Variants in PTK2B observed in about 807,000 individuals in gnomAD.
PTK2B encodes protein tyrosine kinase 2 beta.
In PTK2B, 71 loss-of-function variants were observed where a neutral mutation model predicts 142.9. The observed-to-expected ratio is 0.50, with a 90% confidence interval of 0.41 to 0.61. The LOEUF (loss-of-function observed/expected upper bound fraction) is 0.61, where lower values mean the gene tolerates loss of function less well. Ranked by LOEUF, PTK2B falls within the 20% of genes least tolerant of loss-of-function variation. The probability of loss-of-function intolerance (pLI) is 0.00; values close to 1 mark genes in which losing one functional copy is unlikely to be tolerated. For synonymous variants in PTK2B, 519 were observed against 503.4 expected (o/e 1.03, Z -0.42); for missense variants, 1,105 against 1,320.4 (o/e 0.84, Z 2.53).
At chr8:27,400,404 C>T (rs1563253466) in intron 2 of PTK2B, among the ~76,000 whole-genome samples, 2 of 149,270 alleles carry the variant, frequency 1.3e-5, no homozygotes. Flanking sequence ...ATTTAGGGAA[C>T]TTTTTCCCCT....
intron 1 of PTK2B, among the ~76,000 whole-genome samples, chr8:27,341,984 C>G (rs1304976424): frequency 6.6e-6 from 1 of 152,154 alleles, no homozygotes; most frequent in Non-Finnish European, 1.5e-5. Flanking sequence ...GGCTGCAGGG[C>G]TTTCAAACTG....
chr8:27,393,877 A>G (rs934235988), intron 1 of PTK2B, among the ~76,000 whole-genome samples: 4 of 152,108 alleles, frequency 2.6e-5, no homozygotes, highest in African/African-American at 9.7e-5. Context: ...CCTCAGGGCC[A>G]TAGGCTCACT....
chr8:27,346,413 G>A (rs1586127597), intron 1 of PTK2B, among the ~76,000 whole-genome samples: 1 of 152,278 alleles, frequency 6.6e-6, no homozygotes, highest in East Asian at 1.9e-4. Context: ...TGGTGTGGGG[G>A]CACACGCCTG....
At chr8:27,333,490 G>T (rs940288859) in intron 1 of PTK2B, among the ~76,000 whole-genome samples, 13 of 152,178 alleles carry the variant, frequency 8.5e-5, no homozygotes, top group African/African-American at 3.1e-4. Context: ...TCACACATCT[G>T]AATAAATTGC....
At chr8:27,414,481 C>T (rs1393905377) in intron 2 of PTK2B, among the ~76,000 whole-genome samples, 4 of 152,080 alleles carry the variant, frequency 2.6e-5, no homozygotes, top group East Asian at 3.9e-4. Context: ...CTTCTGACCT[C>T]GTGATCCGCC....
chr8:27,317,457 C>T (rs1390520175), intron 3 of PTK2B, among the ~76,000 whole-genome samples: 2 of 149,536 alleles, frequency 1.3e-5, no homozygotes, highest in Non-Finnish European at 3.0e-5. Flanking sequence ...TTCCTTATGC[C>T]TTCTATTATT....
chr8:27,355,326 AAGAG>A (rs1805334109), intron 1 of PTK2B, among the ~76,000 whole-genome samples: 1 of 152,002 alleles, frequency 6.6e-6, no homozygotes, highest in Non-Finnish European at 1.5e-5. Flanking sequence ...AGAGGGAGGG[AAGAG>A]AGAGAGAAGA....
chr8:27,422,865 G>A (rs1809849832), intron 5 of PTK2B, among the ~76,000 whole-genome samples: 1 of 152,194 alleles, frequency 6.6e-6, no homozygotes, highest in African/African-American at 2.4e-5. Flanking sequence ...TGACAGATGT[G>A]TATACAATTA....
chr8:27,350,172 C>T (rs1804958709), intron 1 of PTK2B, among the ~76,000 whole-genome samples: 2 of 152,188 alleles, frequency 1.3e-5, no homozygotes, highest in African/African-American at 4.8e-5. Context: ...TCCATGGTGG[C>T]TGTGTATTTA....
At position 27,419,946 on chromosome 8, in the gene PTK2B, T is replaced by C. The variant is rs1809639773; in HGVS notation, c.256T>C (p.Leu86=). Reference sequence around the variant, plus strand: ...CGGGCGGATCGGGCCCAACATCCGGTTGGCTGAGTGCTATGGGCTGAGGCT... The same window carrying C: ...CGGGCGGATCGGGCCCAACATCCGGCTGGCTGAGTGCTATGGGCTGAGGCT... The part of the protein sequence containing the change: ...LSGRIGPNIR[L]AECYGLRLKH... The change falls in exon 3 of 31, where the codon TTG becomes CTG. Residue 86 remains leucine (L), a synonymous_variant. Coordinates refer to ENST00000346049, the MANE Select transcript of PTK2B (RefSeq NM_173176.3). The C allele has an allele frequency of 1.2e-6, 2 of 1,614,164 alleles. No homozygotes were observed. Among genetic ancestry groups the C allele is most frequent in the Non-Finnish European group, 1.7e-6 (2 of 1,180,022 alleles).
At chr8:27,433,930 T>C (rs535057469) in intron 11 of PTK2B, among the ~76,000 whole-genome samples, 163 bp from the exon 12 acceptor site, 1 of 152,192 alleles carries the variant, frequency 6.6e-6, no homozygotes, top group Non-Finnish European at 1.5e-5. Flanking sequence ...CAAGGAGGAT[T>C]CCACTTCTGG....
chr8:27,356,598 G>A (rs955380222), intron 1 of PTK2B, among the ~76,000 whole-genome samples: 1 of 152,198 alleles, frequency 6.6e-6, no homozygotes, highest in African/African-American at 2.4e-5. Context: ...AATTCTGAAG[G>A]CTCTGCAGCC....
intron 24 of PTK2B, 43 bp from the exon 25 acceptor site, chr8:27,450,706 A>G (rs1811747655): frequency 2.5e-6 from 4 of 1,611,400 alleles, no homozygotes; most frequent in Non-Finnish European, 3.4e-6. Flanking sequence ...GTCTGAGAGC[A>G]GGGCTCATTG....
intron 2 of PTK2B, among the ~76,000 whole-genome samples, chr8:27,417,614 A>G (rs1394474433): frequency 6.6e-6 from 1 of 152,212 alleles, no homozygotes; most frequent in Non-Finnish European, 1.5e-5. Flanking sequence ...ACTGTAAAAA[A>G]ATAATAGTTG....
chr8:27,432,358 C>T lies in PTK2B; in HGVS notation c.984C>T (p.Pro328=), dbSNP rs1810489203. ...TTCAGCTGGGCATTGAAGGTGCCCC[C>T]CAGGTGAGTGTCTCTGGGCACTGGG... ...AVLQLGIEGA[P]QALSIKTSSL... Residue 328 remains proline (P), a synonymous_variant, in exon 10 of 31, where the codon CCC becomes CCT. Coordinates refer to ENST00000346049, the MANE Select transcript of PTK2B (RefSeq NM_173176.3). 1.2e-6 allele frequency: 2 copies of T among 1,613,406 alleles called. No homozygotes were observed. Among genetic ancestry groups the T allele is most frequent in the South Asian group, 1.1e-5 (1 of 91,044 alleles).
At chr8:27,339,852 A>G (rs1377510126) in intron 1 of PTK2B, among the ~76,000 whole-genome samples, 1 of 152,230 alleles carries the variant, frequency 6.6e-6, no homozygotes, top group Non-Finnish European at 1.5e-5. Flanking sequence ...AGAAGCATTC[A>G]GATCCCTTCT....
At chr8:27,451,378 T>TA in intron 26 of PTK2B, 107 bp from the exon 27 acceptor site, 1 of 1,544,532 alleles carries the variant, frequency 6.5e-7, no homozygotes, top group Non-Finnish European at 8.8e-7. Context: ...CCCATGGCTG[T>TA]AATCTCTAAA....
chr8:27,428,661 T>C (rs1219613060), intron 5 of PTK2B, among the ~76,000 whole-genome samples: 1 of 152,208 alleles, frequency 6.6e-6, no homozygotes, highest in Non-Finnish European at 1.5e-5. Context: ...CCCTGGTCTC[T>C]ACCCACTTGA....
At chr8:27,445,396 G>A (rs781243999) in intron 23 of PTK2B, among the ~76,000 whole-genome samples, 3 of 152,188 alleles carry the variant, frequency 2.0e-5, no homozygotes, top group Admixed American at 6.5e-5. Flanking sequence ...CTGGGCAACA[G>A]AGCAAGAGCC....
Sources: gnomAD v4.1 joint callset for allele counts (sites outside exome capture counted in the v4.1 genomes callset) on GRCh38, gnomAD v4.1.1 for gene constraint, MANE v1.5 for transcripts, NCBI Gene and HGNC (gene_info 2026-07-23, HGNC 2026-07-21) for gene names.